MSI1: variants seen among roughly 807,000 people sequenced by gnomAD.
MSI1 encodes the protein RNA-binding protein Musashi homolog 1.
MSI1 carries 15 observed loss-of-function variants against 54.4 expected under a neutral mutation model. The ratio of observed to expected loss-of-function variants is 0.28; its 90% CI spans 0.18 to 0.42. The LOEUF is 0.42. Ranked by LOEUF, MSI1 falls within the 20% of genes least tolerant of loss-of-function variation. The pLI is 1.00. For synonymous variants in MSI1, 200 were observed against 196.5 expected, an observed-to-expected ratio of 1.02 and a Z score of -0.15; for missense variants, 304 against 506.0, an observed-to-expected ratio of 0.60 and a Z score of 3.83.
intron 6 of MSI1, among the ~76,000 whole-genome samples, chr12:120,362,239 T>G (rs1429318088): frequency 6.6e-6 from 1 of 151,876 alleles, no homozygotes; most frequent in African/African-American, 2.4e-5. Flanking sequence ...AGTGTCTTGA[T>G]GGGAAAGTAG....
At chr12:120,341,048 G>A (rs1873651212), downstream of MSI1, among the ~76,000 whole-genome samples, 1 of 151,824 alleles carries the variant, frequency 6.6e-6, no homozygotes, top group African/African-American at 2.4e-5. Context: ...ACCACACTCG[G>A]CTAATTTTTG....
chr12:120,356,618 G>T (rs1875137416), intron 9 of MSI1, among the ~76,000 whole-genome samples: 1 of 152,240 alleles, frequency 6.6e-6, no homozygotes, highest in Non-Finnish European at 1.5e-5. Context: ...TAGAGGAATG[G>T]ACAGATGGAG....
intron 4 of MSI1, 73 bp downstream of exon 4, chr12:120,367,935 G>A (rs1303360208): frequency 2.1e-6 from 3 of 1,432,754 alleles, no homozygotes; most frequent in Non-Finnish European, 2.9e-6. Context: ...CTGTCCCCTG[G>A]GGAGAGTCCT....
At position 120,342,118 on chromosome 12, in the gene MSI1, G is replaced by A. The variant is rs1261585588; in HGVS notation, c.*1009C>T. 6.5e-6 allele frequency: 1 copy of A among 153,512 alleles called. No homozygotes were observed. The highest frequency in any genetic ancestry group is 1.5e-5 in the Non-Finnish European group (1 of 68,778). 9.5% of individuals were successfully genotyped at this position (153,512 alleles called of 1,614,324 possible). A position where few individuals can be genotyped will look rare whatever the true frequency, so the allele number is the denominator to read the frequency against. On this transcript the variant is annotated 3_prime_UTR_variant, in exon 15 of 15. Coordinates refer to ENST00000257552, the MANE Select transcript of MSI1 (RefSeq NM_002442.4). ...CTCATTGCGGGGGTCGAGGGGGAAGGGGGACAGACTGAGCAGAAACCATGA... is the reference window on the plus strand; with the variant it reads ...CTCATTGCGGGGGTCGAGGGGGAAGAGGGACAGACTGAGCAGAAACCATGA...
intron 10 of MSI1, 146 bp from the exon 11 acceptor site, chr12:120,351,546 T>G: frequency 4.5e-6 from 3 of 663,944 alleles, no homozygotes; most frequent in East Asian, 2.8e-5. Flanking sequence ...GAGAGCACAG[T>G]TCCCAGAAGG....
At chr12:120,349,383 A>AC (rs1874411762) in intron 11 of MSI1, among the ~76,000 whole-genome samples, 1 of 151,620 alleles carries the variant, frequency 6.6e-6, no homozygotes, top group Non-Finnish European at 1.5e-5. Context: ...ACAGGCATGC[A>AC]CCACCACGCC....
chr12:120,368,944 G>A lies in MSI1; in HGVS notation c.60-71C>T. On this transcript the variant is annotated intron_variant, in intron 1 of 14. Coordinates refer to ENST00000257552, the MANE Select transcript of MSI1 (RefSeq NM_002442.4). This position sits in a 1 kb window ranked among gnomAD's most constrained non-coding sequence, Gnocchi z 6.6. Reference sequence around the variant, plus strand: ...GCCAGGGCGCAGGGGGCGCGGGCCCGGGCTCCGGGGAGGCCCGGCCGGACC... The same window carrying A: ...GCCAGGGCGCAGGGGGCGCGGGCCCAGGCTCCGGGGAGGCCCGGCCGGACC... 6 of 1,250,192 alleles carry A rather than the reference G, an allele frequency of 4.8e-6. No homozygotes were observed. In the South Asian group the frequency reaches 1.4e-4, roughly 29 times the overall value. 77.4% of individuals were successfully genotyped at this position (1,250,192 alleles called of 1,614,324 possible).
At chr12:120,367,793 G>T (rs942717867) in intron 4 of MSI1, among the ~76,000 whole-genome samples, 1 of 152,004 alleles carries the variant, frequency 6.6e-6, no homozygotes, top group Non-Finnish European at 1.5e-5. Flanking sequence ...TAGGGGAGGG[G>T]GGATGTAGCA....
At chr12:120,356,625 G>A (rs1875138846) in intron 9 of MSI1, among the ~76,000 whole-genome samples, 1 of 152,240 alleles carries the variant, frequency 6.6e-6, no homozygotes, top group Non-Finnish European at 1.5e-5. Context: ...ATGGACAGAT[G>A]GAGGGATGGA....
downstream of MSI1, among the ~76,000 whole-genome samples, chr12:120,340,103 C>A (rs148142411): frequency 2.0e-5 from 2 of 100,890 alleles, no homozygotes; most frequent in Admixed American, 1.0e-4. Flanking sequence ...TTTTTTTTTT[C>A]TTTGAGACAG....
intron 11 of MSI1, among the ~76,000 whole-genome samples, chr12:120,350,191 G>GT (rs1874476180): frequency 6.6e-6 from 1 of 151,974 alleles, no homozygotes; most frequent in Admixed American, 6.6e-5. Flanking sequence ...CACCTGGCTA[G>GT]TTTTTTATTT....
At chr12:120,356,127 C>T (rs945315200) in intron 9 of MSI1, among the ~76,000 whole-genome samples, 1 of 152,172 alleles carries the variant, frequency 6.6e-6, no homozygotes, top group South Asian at 2.1e-4. Flanking sequence ...GGTTTAGGGG[C>T]CTCCCACAGC....
chr12:120,346,337 A>G lies in MSI1; in HGVS notation c.860-15T>C. On this transcript the variant is annotated splice_polypyrimidine_tract_variant and intron_variant, in intron 12 of 14. Transcript: ENST00000257552. The stretch of plus-strand genomic sequence containing the variant: ...GGGGTGAGAGCCTGGCAACCCAGAA[A>G]GAAGACGGTGATAGCCCTGGTGCCC... 17 of 1,514,942 alleles carry G rather than the reference A, an allele frequency of 1.1e-5. No individual in the cohort carries two copies. The highest frequency in any genetic ancestry group is 1.5e-5 in the Non-Finnish European group (17 of 1,128,490). The allele number at this position is 1,514,942 out of a possible 1,614,324, so 93.8% of individuals were successfully genotyped here. A position where few individuals can be genotyped will look rare whatever the true frequency, so the allele number is the denominator to read the frequency against.
At position 120,368,055 on chromosome 12, in the gene MSI1, C is replaced by T. The variant is rs777720670; in HGVS notation, c.220G>A (p.Val74Met). The change falls in exon 4 of 15, where the codon GTG (valine) becomes ATG (methionine). Residue 74 changes from valine (V) to methionine (M), a missense_variant. Val to Met is a conservative substitution (Grantham distance 21). This residue lies in a region of MSI1 where 105 missense variants were observed against 230.1 expected (regional missense o/e 0.46). Coordinates refer to ENST00000257552, the MANE Select transcript of MSI1 (RefSeq NM_002442.4). This position sits in a 1 kb window ranked among gnomAD's most constrained non-coding sequence, Gnocchi z 6.6. Reference protein sequence around the residue: ...GFVTFMDQAGVDKVLAQSRHE... With the variant: ...GFVTFMDQAGMDKVLAQSRHE... The stretch of plus-strand genomic sequence containing the variant: ...CGCGATTGCGCCAGCACTTTATCCA[C>T]CCCCGCCTGGTCCATGAAAGTGACG... The T allele has an allele frequency of 1.3e-5, 21 of 1,613,616 alleles. No individual in the cohort carries two copies. The Admixed American group carries it at 3.5e-4, about 27-fold the overall frequency.
At chr12:120,348,521 T>A (rs1874326102) in intron 11 of MSI1, among the ~76,000 whole-genome samples, 1 of 152,010 alleles carries the variant, frequency 6.6e-6, no homozygotes, top group Non-Finnish European at 1.5e-5. Context: ...CCTGCTTTAA[T>A]TTCCTCATGG....
rs1405816177 is a variant in MSI1, at chr12:120,341,494, G to A, written c.*1633C>T. ...AAAATCCCAAAGCAAATCAGAAAAC[G>A]GAATTCCAGGGTCCTGAGCCCATGG... is the stretch of plus-strand genomic sequence containing the variant. On this transcript the variant is annotated 3_prime_UTR_variant, in exon 15 of 15. Coordinates refer to ENST00000257552, the MANE Select transcript of MSI1 (RefSeq NM_002442.4). 6.6e-6 allele frequency: 1 copy of A among 152,088 alleles called. No homozygotes were observed. The highest frequency in any genetic ancestry group is 1.9e-4 in the East Asian group (1 of 5,186). The allele number at this position is 152,088 out of a possible 1,614,324, so 9.4% of individuals were successfully genotyped here. A position where few individuals can be genotyped will look rare whatever the true frequency, so the allele number is the denominator to read the frequency against.
At chr12:120,345,999 T>C (rs1469374083) in intron 13 of MSI1, 136 bp downstream of exon 13, 12 of 814,918 alleles carry the variant, frequency 1.5e-5, no homozygotes, top group Non-Finnish European at 2.0e-5. Context: ...CAACTCTTCC[T>C]TAGTGATCTT....
chr12:120,365,254 C>G (rs548942593), intron 4 of MSI1, among the ~76,000 whole-genome samples: 6 of 152,284 alleles, frequency 3.9e-5, no homozygotes, highest in African/African-American at 1.4e-4. Flanking sequence ...GGGTTCAAAT[C>G]CCATTTGCAC....
intron 11 of MSI1, among the ~76,000 whole-genome samples, chr12:120,348,766 G>A (rs1272755094): frequency 6.6e-6 from 1 of 152,000 alleles, no homozygotes; most frequent in African/African-American, 2.4e-5. Flanking sequence ...GGTGGTGCAT[G>A]CCTGTAATCC....
Sources: allele counts gnomAD v4.1 joint callset (sites outside exome capture counted in the v4.1 genomes callset), GRCh38; gene constraint gnomAD v4.1.1; regional missense constraint gnomAD v4.1.1; non-coding constraint Gnocchi (gnomAD v3.1); transcripts MANE v1.5; gene names NCBI Gene and HGNC (gene_info 2026-07-23, HGNC 2026-07-21).